The following HMHB1 variants were observed in gnomAD, a reference collection of about 807,000 sequenced individuals.
The protein encoded by HMHB1 is histocompatibility minor HB-1, also known as minor histocompatibility protein HB-1.
In HMHB1, 4 loss-of-function variants were observed where a neutral mutation model predicts 2.4. The observed-to-expected ratio is 1.65, with a 90% confidence interval of 0.81 to 3.77. The LOEUF (loss-of-function observed/expected upper bound fraction) is 3.77, where lower values mean the gene tolerates loss of function less well. Ranked by LOEUF, HMHB1 falls within the 30% of genes most tolerant of loss-of-function variation. HMHB1 has a pLI of 0.01. For synonymous variants in HMHB1, 22 were observed against 17.6 expected (o/e 1.25, Z -0.63); for missense variants, 57 against 44.2 (o/e 1.29, Z -0.82).
intron 1 of HMHB1, among the ~76,000 whole-genome samples, chr5:143,814,802 T>C (rs993736951): frequency 6.6e-6 from 1 of 152,228 alleles, no homozygotes; most frequent in African/African-American, 2.4e-5. Context: ...TTTAGTCTCC[T>C]ACTTTCTCAA....
At chr5:143,816,817 A>C (rs1245079696) in intron 1 of HMHB1, among the ~76,000 whole-genome samples, 1 of 152,198 alleles carries the variant, frequency 6.6e-6, no homozygotes, top group African/African-American at 2.4e-5. Flanking sequence ...TTACATTCCC[A>C]CCAGCAGTGT....
chr5:143,816,387 A>G (rs1759749916), intron 1 of HMHB1, among the ~76,000 whole-genome samples: 1 of 151,936 alleles, frequency 6.6e-6, no homozygotes, highest in African/African-American at 2.4e-5. Context: ...CCCAAAGTCC[A>G]CTGTGTCATT....
At chr5:143,812,421 G>A in intron 1 of HMHB1, 117 bp downstream of exon 1, 3 of 965,842 alleles carry the variant, frequency 3.1e-6, no homozygotes, top group Non-Finnish European at 4.8e-6. Context: ...GTGAAAACAG[G>A]GATGGCGGAA....
At chr5:143,814,483 T>G (rs1759726666) in intron 1 of HMHB1, among the ~76,000 whole-genome samples, 1 of 152,188 alleles carries the variant, frequency 6.6e-6, no homozygotes, top group South Asian at 2.1e-4. Flanking sequence ...GCTCTTTCCA[T>G]TTTTTGCGTT....
At chr5:143,817,274 C>T (rs184776915) in intron 1 of HMHB1, among the ~76,000 whole-genome samples, 2 of 152,116 alleles carry the variant, frequency 1.3e-5, no homozygotes, top group South Asian at 4.1e-4. Context: ...CCATGAAATC[C>T]TTGCCTAAGC....
chr5:143,819,071 C>G (rs1759779282), intron 1 of HMHB1, among the ~76,000 whole-genome samples: 1 of 152,236 alleles, frequency 6.6e-6, no homozygotes, highest in Admixed American at 6.5e-5. Context: ...ACTCCCACCT[C>G]TCTGTCTCTG....
chr5:143,817,162 C>A (rs1321436277), intron 1 of HMHB1, among the ~76,000 whole-genome samples: 2 of 152,168 alleles, frequency 1.3e-5, no homozygotes, highest in Non-Finnish European at 2.9e-5. Flanking sequence ...TGTCAGTCAT[C>A]TGTTTACTCT....
chr5:143,812,992 C>T (rs1186257400), intron 1 of HMHB1, among the ~76,000 whole-genome samples: 1 of 151,896 alleles, frequency 6.6e-6, no homozygotes, highest in Non-Finnish European at 1.5e-5. Flanking sequence ...GTTTTCTCCT[C>T]TTGAAGAGGA....
At chr5:143,812,393 A>G in intron 1 of HMHB1, 89 bp downstream of exon 1, 3 of 1,242,986 alleles carry the variant, frequency 2.4e-6, no homozygotes, top group Non-Finnish European at 3.4e-6. Flanking sequence ...TGGTGGAATG[A>G]GAGGGAAACC....
At chr5:143,820,370 A>AAAAAAAAAAAAAAAAAAAAAAAAAAAAAG in intron 1 of HMHB1, 110 bp from the exon 2 acceptor site, 1 of 477,024 alleles carries the variant, frequency 2.1e-6, no homozygotes. Context: ...ACAAAACTAA[A>AAAAAAAAAAAAAAAAAAAAAAAAAAAAAG]AAGCTAACAC....
chr5:143,820,300 G>T (rs888106129), intron 1 of HMHB1, among the ~76,000 whole-genome samples, 180 bp from the exon 2 acceptor site: 1 of 81,572 alleles, frequency 1.2e-5, no homozygotes, highest in African/African-American at 4.9e-5. Flanking sequence ...TACAGGTGCT[G>T]CCCCGGCTCA....
intron 1 of HMHB1, among the ~76,000 whole-genome samples, chr5:143,816,617 G>A (rs549064929): frequency 1.8e-4 from 28 of 152,224 alleles, no homozygotes; most frequent in South Asian, 1.0e-3. Context: ...ATGGGCATTC[G>A]TATTGGTTCC....
intron 1 of HMHB1, among the ~76,000 whole-genome samples, chr5:143,815,646 G>A (rs1581011127): frequency 1.3e-5 from 2 of 149,810 alleles, no homozygotes; most frequent in East Asian, 3.9e-4. Context: ...TCCTGCTTCA[G>A]CCTCCTAAGT....
intron 1 of HMHB1, among the ~76,000 whole-genome samples, chr5:143,815,768 G>A (rs1348887408): frequency 6.7e-6 from 1 of 149,498 alleles, no homozygotes; most frequent in Admixed American, 6.7e-5. Context: ...CTGCAGTGGC[G>A]CAATCTCGGC....
chr5:143,816,371 T>A (rs1053756507), intron 1 of HMHB1, among the ~76,000 whole-genome samples: 2 of 148,676 alleles, frequency 1.3e-5, no homozygotes, highest in African/African-American at 4.8e-5. Context: ...CCTTTCCCCC[T>A]GAGTCCCCAA....
At chr5:143,820,429 C>G (rs1759800833) in intron 1 of HMHB1, 51 bp from the exon 2 acceptor site, 1 of 929,258 alleles carries the variant, frequency 1.1e-6, no homozygotes, top group Non-Finnish European at 1.7e-6. Flanking sequence ...ATAGAAAATA[C>G]TGCTGAGAAG....
Position 143,812,324 on chromosome 5 carries a change from G to A in HMHB1, c.37+20G>A, listed in dbSNP as rs914264935. 3 of 1,550,194 alleles carry A rather than the reference G, an allele frequency of 1.9e-6. No homozygotes were observed. Among genetic ancestry groups the A allele is most frequent in the Non-Finnish European group, 2.6e-6 (3 of 1,145,622 alleles). ...AAAGAGGTGAGGGAGCGAGGAGGAG[G>A]GAGAACAGAGAGAGAGGGAAAGAGG... On this transcript the variant is annotated intron_variant, in intron 1 of 1. Transcript: ENST00000289448.
chr5:143,813,920 A>G (rs182344006), intron 1 of HMHB1, among the ~76,000 whole-genome samples: 84 of 152,306 alleles, frequency 5.5e-4, no homozygotes, highest in Admixed American at 2.4e-3. Context: ...ATGGCACATG[A>G]TATTTTCATA....
At position 143,812,291 on chromosome 5, in the gene HMHB1, A is replaced by T. The variant is rs955661002; in HGVS notation, c.24A>T (p.Arg8Ser). ...AACTGGAGGAGCAGCCAGAATGCAG[A>T]GAAGAAAAAAGAGGTGAGGGAGCGA... Residue 8 changes from arginine to serine, a missense_variant, in exon 1 of 2, where the codon AGA becomes AGT. Arg to Ser is a moderately radical substitution (Grantham distance 110, BLOSUM62 -1). Transcript: ENST00000289448. 1.3e-6 allele frequency: 2 copies of T among 1,551,752 alleles called. No individual in the cohort carries two copies. Among genetic ancestry groups the T allele is most frequent in the African/African-American group, 1.4e-5 (1 of 73,126 alleles).
Sources: gnomAD v4.1 joint callset for allele counts (sites outside exome capture counted in the v4.1 genomes callset) on GRCh38, gnomAD v4.1.1 for gene constraint, MANE v1.5 for transcripts, NCBI Gene and HGNC (gene_info 2026-07-23, HGNC 2026-07-21) for gene names.